Variants in DNM2 observed in about 807,000 individuals in gnomAD.
The protein encoded by DNM2 is dynamin-2.
In DNM2, 15 loss-of-function variants were observed where a neutral mutation model predicts 99.0. That is an observed-to-expected ratio of 0.15 (90% CI 0.10 to 0.23). The LOEUF is 0.23. DNM2 is among the 10% of genes least tolerant of loss of function. The probability of loss-of-function intolerance (pLI) is 1.00; values close to 1 mark genes in which losing one functional copy is unlikely to be tolerated. For missense variants in DNM2, 742 were observed against 1,189.4 expected (o/e 0.62, Z 5.53); for synonymous variants, 525 against 481.2 (o/e 1.09, Z -1.19).
chr19:10,764,909 C>A lies in DNM2; in HGVS notation c.235+5098C>A, dbSNP rs754702919. Among the ~76,000 whole-genome samples, 1 of 152,074 alleles carries A rather than the reference C, an allele frequency of 6.6e-6. No individual in the cohort carries two copies. On this transcript the variant is annotated intron_variant, in intron 2 of 20. Transcript: ENST00000389253. This position sits in a 1 kb window ranked among gnomAD's most constrained non-coding sequence, Gnocchi z 4.1. ...CCCGCACCTGGTCACTTGCCGCCTT[C>A]GTTCCCCGGTCCCCGGCAGCACGAG... is the stretch of plus-strand genomic sequence containing the variant.
At chr19:10,787,470 A>T (rs1240157596) in intron 7 of DNM2, among the ~76,000 whole-genome samples, 1 of 149,650 alleles carries the variant, frequency 6.7e-6, no homozygotes. Context: ...GACTCTGTTT[A>T]AAAAAAAGAA....
intron 11 of DNM2, among the ~76,000 whole-genome samples, chr19:10,800,139 G>C (rs2072085290): frequency 6.6e-6 from 1 of 152,260 alleles, no homozygotes; most frequent in African/African-American, 2.4e-5. Context: ...TGACAGGTGT[G>C]AGCCACTGCT....
chr19:10,794,679 A>T (rs549801792), intron 8 of DNM2, among the ~76,000 whole-genome samples: 2 of 152,096 alleles, frequency 1.3e-5, no homozygotes, highest in African/African-American at 4.8e-5. Context: ...GAGGCAGAGG[A>T]TGCAGCAATG....
chr19:10,743,899 A>G (rs1429426850), intron 1 of DNM2, among the ~76,000 whole-genome samples: 2 of 150,912 alleles, frequency 1.3e-5, no homozygotes, highest in Non-Finnish European at 2.9e-5. Flanking sequence ...AGGCAGCAGA[A>G]TTGCTTGAAC....
intron 6 of DNM2, among the ~76,000 whole-genome samples, chr19:10,783,456 G>A (rs1417421355): frequency 6.6e-6 from 1 of 152,102 alleles, no homozygotes; most frequent in Non-Finnish European, 1.5e-5. Context: ...AATAGAGTGA[G>A]ACCCTGTTTC....
Position 10,724,833 on chromosome 19 carries a change from G to A in DNM2, c.161+6430G>A, listed in dbSNP as rs995616781. Among the ~76,000 whole-genome samples, 7 of 152,168 alleles carry A rather than the reference G, an allele frequency of 4.6e-5. No individual in the cohort carries two copies. In the East Asian group the frequency reaches 7.7e-4, roughly 17 times the overall value. On this transcript the variant is annotated intron_variant, in intron 1 of 20. Transcript: ENST00000389253. ...GACTCCACAGGCATGTAGGCGCCCC[G>A]TGCCATTTTTCTTTTAATAAGAAGC...
In DNM2 at chr19:10,761,852, C is replaced by T. The variant is rs1227082953; in HGVS notation, c.235+2041C>T. Reference sequence around the variant, plus strand: ...ACAGCAGCCGATGGGCCCACCACCTCTTCTTTATGAGCTCTGCTATTTCGT... The same window carrying T: ...ACAGCAGCCGATGGGCCCACCACCTTTTCTTTATGAGCTCTGCTATTTCGT... On this transcript the variant is annotated intron_variant, in intron 2 of 20. Transcript: ENST00000389253. 2.6e-5 allele frequency among the ~76,000 whole-genome samples: 4 copies of T among 152,182 alleles called. No individual in the cohort carries two copies. The South Asian group carries it at 6.2e-4, about 24-fold the overall frequency.
At position 10,831,192 on chromosome 19, in the gene DNM2, C is replaced by A. The variant is rs1230324430; in HGVS notation, c.*145C>A. On this transcript the variant is annotated 3_prime_UTR_variant, in exon 21 of 21. Transcript: ENST00000389253. This position sits in a 1 kb window ranked among gnomAD's most constrained non-coding sequence, Gnocchi z 4.3. ...CTCTTCCTTAACGCTGGCCCCGGTC[C>A]AGGGCCGGCCCCTGTGCCTGGCTGG... The A allele has an allele frequency of 2.1e-5, 29 of 1,402,972 alleles. No homozygotes were observed. Among genetic ancestry groups the A allele is most frequent in the Non-Finnish European group, 2.6e-5 (28 of 1,082,462 alleles). The allele number at this position is 1,402,972 out of a possible 1,614,324, so 86.9% of individuals were successfully genotyped here.
At chr19:10,821,350 G>C (rs1388760535) in intron 16 of DNM2, among the ~76,000 whole-genome samples, 1 of 152,160 alleles carries the variant, frequency 6.6e-6, no homozygotes, top group East Asian at 1.9e-4. Flanking sequence ...GAAACCCAGA[G>C]TAGTAGCTGC....
intron 14 of DNM2, chr19:10,810,554 A>C (rs1415967691): frequency 6.6e-6 from 1 of 152,408 alleles, no homozygotes; most frequent in East Asian, 1.9e-4. Context: ...CCCTGTGGCC[A>C]TGCACCCCAA....
intron 1 of DNM2, among the ~76,000 whole-genome samples, chr19:10,747,319 C>A (rs1266810505): frequency 6.6e-6 from 1 of 152,120 alleles, no homozygotes; most frequent in Non-Finnish European, 1.5e-5. Flanking sequence ...CCTGACCTGC[C>A]CATCTTGTCC....
chr19:10,797,392 C>T lies in DNM2; in HGVS notation c.1209C>T (p.Phe403=), dbSNP rs1325264609. 11 of 1,612,972 alleles carry T rather than the reference C, an allele frequency of 6.8e-6. No individual in the cohort carries two copies. In the South Asian group the frequency reaches 9.9e-5, roughly 15 times the overall value. The part of the protein sequence containing the change: ...KNIHGVRTGL[F]TPDMAFEAIV... ...CCGCATGACCCAGGACGGGGCTCTT[C>T]ACCCCCGACATGGCCTTTGAAGCCA... Residue 403 remains phenylalanine, a synonymous_variant, in exon 10 of 21, where the codon TTC becomes TTT. Coordinates refer to ENST00000389253, the MANE Select transcript of DNM2 (RefSeq NM_001005361.3).
At chr19:10,737,335 T>C (rs962877976) in intron 1 of DNM2, among the ~76,000 whole-genome samples, 2 of 152,106 alleles carry the variant, frequency 1.3e-5, no homozygotes, top group African/African-American at 4.8e-5. Context: ...ATCAGCATTC[T>C]AAGGCCTCTG....
intron 3 of DNM2, among the ~76,000 whole-genome samples, chr19:10,774,717 G>A (rs2071092086): frequency 7.0e-6 from 1 of 143,186 alleles, no homozygotes; most frequent in Non-Finnish European, 1.5e-5. Flanking sequence ...GAGCCACTGC[G>A]TTGGCCTATG....
intron 1 of DNM2, among the ~76,000 whole-genome samples, chr19:10,759,391 C>G (rs972006602): frequency 6.6e-6 from 1 of 152,102 alleles, no homozygotes; most frequent in Admixed American, 6.6e-5. Context: ...ATACATGTGG[C>G]ATTGTGTTGA....
intron 1 of DNM2, among the ~76,000 whole-genome samples, chr19:10,726,794 C>T (rs1157214003): frequency 6.6e-6 from 1 of 152,078 alleles, no homozygotes; most frequent in Non-Finnish European, 1.5e-5. Flanking sequence ...ACCTGGGGGA[C>T]GGAGGTTGCG....
chr19:10,765,355 G>A lies in DNM2; in HGVS notation c.235+5544G>A, dbSNP rs1379487335. Among the ~76,000 whole-genome samples, 1 of 152,244 alleles carries A rather than the reference G, an allele frequency of 6.6e-6. No homozygotes were observed. Among genetic ancestry groups the A allele is most frequent in the Admixed American group, 6.5e-5 (1 of 15,290 alleles). Reference sequence around the variant, plus strand: ...GGGCCTGGCGCCGAGCAGGTGCTCCGCATGCACGGCCGAGTGAACGAGCTC... The same window carrying A: ...GGGCCTGGCGCCGAGCAGGTGCTCCACATGCACGGCCGAGTGAACGAGCTC... On this transcript the variant is annotated intron_variant, in intron 2 of 20. Transcript: ENST00000389253. The surrounding 1 kb of genome is among the most constrained non-coding windows in gnomAD (Gnocchi z 4.4).
At chr19:10,800,467 C>T (rs1043041475) in intron 11 of DNM2, among the ~76,000 whole-genome samples, 1 of 152,198 alleles carries the variant, frequency 6.6e-6, no homozygotes, top group African/African-American at 2.4e-5. Context: ...GCTGCCGGCC[C>T]TTCCACAGCC....
At chr19:10,749,443 G>A (rs1403507951) in intron 1 of DNM2, among the ~76,000 whole-genome samples, 2 of 152,214 alleles carry the variant, frequency 1.3e-5, no homozygotes, top group African/African-American at 4.8e-5. Context: ...CCCCTTCCAG[G>A]GAGAGGTGGC....
Sources: gnomAD v4.1 joint callset for allele counts (sites outside exome capture counted in the v4.1 genomes callset) on GRCh38, gnomAD v4.1.1 for gene constraint, Gnocchi (gnomAD v3.1) non-coding constraint, MANE v1.5 for transcripts, NCBI Gene and HGNC (gene_info 2026-07-23, HGNC 2026-07-21) for gene names.